Variants in RAB3C observed in about 807,000 individuals in gnomAD.
RAB3C encodes the protein ras-related protein Rab-3C.
RAB3C carries 17 observed loss-of-function variants against 26.4 expected under a neutral mutation model. That is an observed-to-expected ratio of 0.64 (90% CI 0.44 to 0.97). The LOEUF is 0.97. RAB3C is among the 50% of genes least tolerant of loss of function. The pLI is 0.00. For missense variants in RAB3C, 242 were observed against 281.9 expected (o/e 0.86, Z 1.01); for synonymous variants, 91 against 95.9 (o/e 0.95, Z 0.30).
intron 3 of RAB3C, among the ~76,000 whole-genome samples, chr5:58,765,344 A>G (rs1741877726): frequency 6.6e-6 from 1 of 151,604 alleles, no homozygotes; most frequent in African/African-American, 2.4e-5. Context: ...TTTATGACAG[A>G]TAAGAGAAGA....
chr5:58,827,938 T>C lies in RAB3C; in HGVS notation c.496+2776T>C, dbSNP rs568557309. Among the ~76,000 whole-genome samples, 3 of 152,322 alleles carry C rather than the reference T, an allele frequency of 2.0e-5. No individual in the cohort carries two copies. In the East Asian group the frequency reaches 5.8e-4, roughly 29 times the overall value. The stretch of plus-strand genomic sequence containing the variant: ...GAATACCATCACATACACACAAAAG[T>C]TGCACATTGTTTTTTAAAAGTCATT... On this transcript the variant is annotated intron_variant, in intron 4 of 4. Coordinates refer to ENST00000282878, the MANE Select transcript of RAB3C (RefSeq NM_138453.4).
At position 58,852,517 on chromosome 5, in the gene RAB3C, TA is replaced by T. The variant is rs1744135102; in HGVS notation, c.*1167del. ...CCAGATGTTCATAAATTCTAAAGCA[TA>T]TTCCTATTACGTGAATGCTTAAGTT... is the stretch of plus-strand genomic sequence containing the variant. On this transcript the variant is annotated 3_prime_UTR_variant, in exon 5 of 5. Transcript: ENST00000282878. 7 of 152,342 alleles carry T rather than the reference TA, an allele frequency of 4.6e-5. No homozygotes were observed. The South Asian group carries it at 1.4e-3, about 32-fold the overall frequency. The allele number at this position is 152,342 out of a possible 1,614,324, so 9.4% of individuals were successfully genotyped here. A position where few individuals can be genotyped will look rare whatever the true frequency, so the allele number is the denominator to read the frequency against.
At chr5:58,634,332 G>A (rs912941880) in intron 2 of RAB3C, among the ~76,000 whole-genome samples, 1 of 152,148 alleles carries the variant, frequency 6.6e-6, no homozygotes. Flanking sequence ...CTGCCTTCCA[G>A]AAGCAAGTGT....
At chr5:58,586,233 C>A (rs1458136488) in intron 1 of RAB3C, among the ~76,000 whole-genome samples, 1 of 151,984 alleles carries the variant, frequency 6.6e-6, no homozygotes. Flanking sequence ...CTAGCAGTCA[C>A]TATTACCCTA....
intron 3 of RAB3C, chr5:58,815,586 C>T (rs1363605337): frequency 6.6e-6 from 1 of 152,180 alleles, no homozygotes; most frequent in African/African-American, 2.4e-5. Flanking sequence ...GCCAGCAACA[C>T]ACCCTAAAAG....
intron 2 of RAB3C, among the ~76,000 whole-genome samples, chr5:58,665,469 C>T (rs932055392): frequency 7.9e-5 from 12 of 152,042 alleles, no homozygotes; most frequent in Non-Finnish European, 1.6e-4. Flanking sequence ...CTGCTATGTG[C>T]CTGTCCTTAT....
At chr5:58,770,992 T>C (rs1282529822) in intron 3 of RAB3C, among the ~76,000 whole-genome samples, 7 of 152,136 alleles carry the variant, frequency 4.6e-5, no homozygotes, top group Non-Finnish European at 8.8e-5. Context: ...CTTCAAGTGT[T>C]TCAGAAAAGA....
chr5:58,685,099 C>A (rs1452518505), intron 2 of RAB3C, among the ~76,000 whole-genome samples: 2 of 152,166 alleles, frequency 1.3e-5, no homozygotes, highest in African/African-American at 4.8e-5. Context: ...CCCTAACTTT[C>A]ATGAGACACA....
At chr5:58,698,808 T>C (rs1748775580) in intron 2 of RAB3C, among the ~76,000 whole-genome samples, 4 of 152,182 alleles carry the variant, frequency 2.6e-5, no homozygotes, top group Admixed American at 2.6e-4. Context: ...CACTGTTTAT[T>C]CTAGTTAGCC....
At chr5:58,774,321 G>A (rs1161336288) in intron 3 of RAB3C, among the ~76,000 whole-genome samples, 1 of 152,032 alleles carries the variant, frequency 6.6e-6, no homozygotes, top group Admixed American at 6.6e-5. Flanking sequence ...CTAAGCTCTT[G>A]ATTCTATTAA....
At chr5:58,658,522 T>A (rs1046021468) in intron 2 of RAB3C, among the ~76,000 whole-genome samples, 1 of 152,236 alleles carries the variant, frequency 6.6e-6, no homozygotes, top group Non-Finnish European at 1.5e-5. Flanking sequence ...AATTATGCCA[T>A]GGTTAATGAA....
intron 4 of RAB3C, among the ~76,000 whole-genome samples, chr5:58,837,336 C>T (rs299921): frequency 0.22 from 33,770 of 151,772 alleles, 4,071 homozygotes; most frequent in Middle Eastern, 0.41. Context: ...CGTGCACCAT[C>T]ACTCCTGGCT....
At chr5:58,821,614 T>C in intron 3 of RAB3C, among the ~76,000 whole-genome samples, 1 of 152,196 alleles carries the variant, frequency 6.6e-6, no homozygotes, top group East Asian at 1.9e-4. Context: ...AATATATTAT[T>C]AACTTAGGTA....
At chr5:58,809,723 A>G (rs1018767133) in intron 3 of RAB3C, among the ~76,000 whole-genome samples, 14 of 152,232 alleles carry the variant, frequency 9.2e-5, no homozygotes, top group Admixed American at 3.3e-4. Context: ...GTGCCCTTGT[A>G]GGAACAGACA....
chr5:58,678,878 G>C (rs1748288029), intron 2 of RAB3C, among the ~76,000 whole-genome samples: 1 of 151,972 alleles, frequency 6.6e-6, no homozygotes, highest in South Asian at 2.1e-4. Context: ...CTGGATGTAG[G>C]GTATAAATAG....
intron 3 of RAB3C, among the ~76,000 whole-genome samples, chr5:58,817,478 A>G (rs909130126): frequency 6.6e-6 from 1 of 152,172 alleles, no homozygotes; most frequent in African/African-American, 2.4e-5. Context: ...AGCATGTGTA[A>G]CTAATCAGAC....
chr5:58,591,284 T>A (rs999868242), intron 1 of RAB3C, among the ~76,000 whole-genome samples: 5 of 152,108 alleles, frequency 3.3e-5, no homozygotes, highest in African/African-American at 1.2e-4. Context: ...ACCTTTAATA[T>A]CCTTATCGAT....
intron 2 of RAB3C, among the ~76,000 whole-genome samples, chr5:58,707,692 A>G (rs1255840380): frequency 6.6e-6 from 1 of 152,188 alleles, no homozygotes; most frequent in Admixed American, 6.6e-5. Flanking sequence ...GAAGGTACAC[A>G]TTCCCAGACT....
intron 3 of RAB3C, among the ~76,000 whole-genome samples, chr5:58,814,926 A>T (rs888196681): frequency 6.6e-6 from 1 of 152,140 alleles, no homozygotes; most frequent in Admixed American, 6.6e-5. Flanking sequence ...TTCCAGGACT[A>T]GGTGGATCAA....
Sources: gnomAD v4.1 joint callset for allele counts (sites outside exome capture counted in the v4.1 genomes callset) on GRCh38, gnomAD v4.1.1 for gene constraint, MANE v1.5 for transcripts, NCBI Gene and HGNC (gene_info 2026-07-23, HGNC 2026-07-21) for gene names.